Variants in KAZN observed in about 807,000 individuals in gnomAD.
KAZN encodes kazrin.
A neutral mutation model predicts 87.4 loss-of-function variants in KAZN; 40 were observed. The observed-to-expected ratio is 0.46, with a 90% confidence interval of 0.36 to 0.60. KAZN has a LOEUF of 0.60. Among genes scored for constraint, KAZN ranks in the 20% least tolerant of loss-of-function variants. The pLI is 0.00. For missense variants in KAZN, 898 were observed against 1,073.9 expected, an observed-to-expected ratio of 0.84 and a Z score of 2.29; for synonymous variants, 466 against 458.3, an observed-to-expected ratio of 1.02 and a Z score of -0.22.
intron 7 of KAZN, 111 bp from the exon 8 acceptor site, chr1:15,065,519 C>A: frequency 1.0e-6 from 1 of 952,794 alleles, no homozygotes; most frequent in Non-Finnish European, 1.6e-6. Context: ...TGGCTTAAAG[C>A]TCAGAGAGGC....
In KAZN at chr1:14,856,137, T is replaced by C. The variant is rs1313773876; in HGVS notation, c.227-104547T>C. 6.6e-6 allele frequency among the ~76,000 whole-genome samples: 1 copy of C among 152,130 alleles called. No individual in the cohort carries two copies. The highest frequency in any genetic ancestry group is 2.4e-5 in the African/African-American group (1 of 41,408). On this transcript the variant is annotated intron_variant, in intron 1 of 14. Transcript: ENST00000376030. The surrounding 1 kb of genome is among the most constrained non-coding windows in gnomAD (Gnocchi z 5.2). Reference sequence around the variant, plus strand: ...GTAGTTATTGCAAGGGTCTGTGCTATAAAATCAGACTCTGAGGGTGGTCAG... The same window carrying C: ...GTAGTTATTGCAAGGGTCTGTGCTACAAAATCAGACTCTGAGGGTGGTCAG...
chr1:15,067,455 AG>A (rs773084085), intron 8 of KAZN: 5 of 985,350 alleles, frequency 5.1e-6, no homozygotes, highest in Non-Finnish European at 6.0e-6. Context: ...TGAGCTGTTC[AG>A]CAAGGTCTGC....
At chr1:13,912,400 T>A (rs942078188) in intron 1 of KAZN, among the ~76,000 whole-genome samples, 1 of 152,126 alleles carries the variant, frequency 6.6e-6, no homozygotes, top group African/African-American at 2.4e-5. Flanking sequence ...TGCTGCTTGA[T>A]GGGATCAATA....
At chr1:14,004,596 G>T (rs765479626) in intron 1 of KAZN, among the ~76,000 whole-genome samples, 2 of 152,202 alleles carry the variant, frequency 1.3e-5, no homozygotes, top group Non-Finnish European at 2.9e-5. Context: ...ATTTCCTAGG[G>T]AGTACTGGTG....
intron 2 of KAZN, among the ~76,000 whole-genome samples, chr1:14,379,112 A>G (rs1239781572): frequency 2.0e-5 from 3 of 150,060 alleles, no homozygotes; most frequent in Non-Finnish European, 4.4e-5. Context: ...GAGCTCCCAG[A>G]CAACATTTCT....
chr1:14,369,761 T>A (rs1471718754), intron 2 of KAZN, among the ~76,000 whole-genome samples: 1 of 152,128 alleles, frequency 6.6e-6, no homozygotes, highest in Non-Finnish European at 1.5e-5. Context: ...AAGCCCAACG[T>A]CCCCATGCAC....
intron 2 of KAZN, among the ~76,000 whole-genome samples, chr1:14,424,639 C>G (rs573354124): frequency 6.6e-6 from 1 of 152,126 alleles, no homozygotes; most frequent in Non-Finnish European, 1.5e-5. Context: ...GAAATGCCCA[C>G]GAAAGGGACC....
At chr1:14,211,755 G>A (rs763705711) in intron 2 of KAZN, among the ~76,000 whole-genome samples, 3 of 152,118 alleles carry the variant, frequency 2.0e-5, no homozygotes, top group South Asian at 2.1e-4. Context: ...GCTACAAATC[G>A]GGGCTTCTCT....
At chr1:15,108,203 C>T (rs1003659929) in intron 13 of KAZN, among the ~76,000 whole-genome samples, 1 of 152,194 alleles carries the variant, frequency 6.6e-6, no homozygotes, top group African/African-American at 2.4e-5. Context: ...CAATGGAAAA[C>T]ATTTATTCTC....
At chr1:14,830,952 G>A (rs1557534177) in intron 1 of KAZN, among the ~76,000 whole-genome samples, 1 of 152,220 alleles carries the variant, frequency 6.6e-6, no homozygotes, top group African/African-American at 2.4e-5. Flanking sequence ...TCAATGTCAG[G>A]ATGTGCCTGT....
At chr1:14,050,138 G>A (rs978970173) in intron 1 of KAZN, among the ~76,000 whole-genome samples, 5 of 151,904 alleles carry the variant, frequency 3.3e-5, no homozygotes, top group African/African-American at 1.2e-4. Context: ...GTGCACATGT[G>A]TGGATTTGGG....
intron 1 of KAZN, among the ~76,000 whole-genome samples, chr1:14,135,214 A>C (rs879812507): frequency 6.6e-6 from 1 of 152,188 alleles, no homozygotes; most frequent in East Asian, 1.9e-4. Flanking sequence ...CCTTCACAGC[A>C]CCCTGTGAGG....
intron 1 of KAZN, among the ~76,000 whole-genome samples, chr1:13,894,106 GC>G (rs1195647998): frequency 1.3e-5 from 2 of 152,144 alleles, no homozygotes; most frequent in Non-Finnish European, 2.9e-5. Flanking sequence ...ATCTTTTGAG[GC>G]CAGGTGCCAG....
At chr1:13,899,479 C>T (rs1261811956) in intron 1 of KAZN, among the ~76,000 whole-genome samples, 2 of 152,152 alleles carry the variant, frequency 1.3e-5, no homozygotes, top group African/African-American at 2.4e-5. Flanking sequence ...TGCTGAACAT[C>T]TGTGCCAGCA....
intron 1 of KAZN, among the ~76,000 whole-genome samples, chr1:14,096,868 A>C (rs1395696616): frequency 6.6e-6 from 1 of 152,222 alleles, no homozygotes; most frequent in Non-Finnish European, 1.5e-5. Flanking sequence ...TCTGTTGTGC[A>C]TCACAGTTGA....
intron 1 of KAZN, among the ~76,000 whole-genome samples, chr1:14,624,450 C>G (rs929167380): frequency 6.7e-6 from 1 of 149,984 alleles, no homozygotes; most frequent in Non-Finnish European, 1.5e-5. Context: ...CAAAAAAAAC[C>G]ACTAACTATT....
intron 1 of KAZN, among the ~76,000 whole-genome samples, chr1:13,981,091 A>ATATATATATATATATATATATG (rs1308145927): frequency 9.3e-6 from 1 of 107,682 alleles, no homozygotes; most frequent in African/African-American, 3.7e-5. Context: ...ATTACTCTTT[A>ATATATATATATATATATATATG]TATATATATA....
chr1:14,915,368 A>G (rs1421671796), intron 1 of KAZN, among the ~76,000 whole-genome samples: 1 of 152,072 alleles, frequency 6.6e-6, no homozygotes, highest in Non-Finnish European at 1.5e-5. Context: ...GTAAACAGTA[A>G]CTGTTATTCT....
intron 1 of KAZN, among the ~76,000 whole-genome samples, chr1:14,940,984 C>T (rs535906525): frequency 9.3e-4 from 133 of 142,306 alleles, no homozygotes; most frequent in Non-Finnish European, 1.7e-3. Flanking sequence ...GGTGCAATCT[C>T]GGCTCACTGT....
Sources: gnomAD v4.1 joint callset for allele counts (sites outside exome capture counted in the v4.1 genomes callset) on GRCh38, gnomAD v4.1.1 for gene constraint, Gnocchi (gnomAD v3.1) non-coding constraint, MANE v1.5 for transcripts, NCBI Gene and HGNC (gene_info 2026-07-23, HGNC 2026-07-21) for gene names.